Variants in FAM167A observed in about 807,000 individuals in gnomAD.
The protein encoded by FAM167A is protein FAM167A.
FAM167A carries 23 observed loss-of-function variants against 14.9 expected under a neutral mutation model. The observed-to-expected ratio is 1.55, with a 90% CI of 1.11 to 2.19. The LOEUF is 2.19. Among genes scored for constraint, FAM167A ranks in the 30% most tolerant of loss-of-function variants. The pLI is 0.00. For synonymous variants in FAM167A, 174 were observed against 117.7 expected (o/e 1.48, Z -3.10); for missense variants, 401 against 281.5 (o/e 1.42, Z -3.04).
chr8:11,475,757 A>G (rs1206566833), intron 1 of FAM167A, among the ~76,000 whole-genome samples: 3 of 152,134 alleles, frequency 2.0e-5, no homozygotes, highest in African/African-American at 7.2e-5. Context: ...CCCTAAATGT[A>G]TTGATTCTAG....
intron 1 of FAM167A, among the ~76,000 whole-genome samples, chr8:11,450,811 A>T (rs1806993532): frequency 6.6e-6 from 1 of 152,132 alleles, no homozygotes; most frequent in South Asian, 2.1e-4. Context: ...GCTTCCTGGG[A>T]TGGTGCCTCC....
intron 2 of FAM167A, among the ~76,000 whole-genome samples, chr8:11,426,300 T>A (rs1805140961): frequency 1.3e-5 from 2 of 152,222 alleles, no homozygotes; most frequent in African/African-American, 4.8e-5. Context: ...TTGTAACTCC[T>A]GTCTCTCTGA....
At position 11,444,765 on chromosome 8, in the gene FAM167A, G is replaced by A. The variant is rs1028087577; in HGVS notation, c.-354C>T. On this transcript the variant is annotated 5_prime_UTR_variant, in exon 2 of 3. Coordinates refer to ENST00000284486, the MANE Select transcript of FAM167A (RefSeq NM_053279.3). Reference sequence around the variant, plus strand: ...CGAAGACCAGACTGGCAGGAAGAAGGCCCAGAGCTCTCTCTTCTCGGGAAG... The same window carrying A: ...CGAAGACCAGACTGGCAGGAAGAAGACCCAGAGCTCTCTCTTCTCGGGAAG... The A allele has an allele frequency of 7.8e-6, 8 of 1,029,144 alleles. No homozygotes were observed. The highest frequency in any genetic ancestry group is 1.7e-5 in the African/African-American group (1 of 58,790). The allele number at this position is 1,029,144 out of a possible 1,614,324, so 63.8% of individuals were successfully genotyped here. A position where few individuals can be genotyped will look rare whatever the true frequency, so the allele number is the denominator to read the frequency against.
At chr8:11,428,899 A>G (rs1356886457) in intron 2 of FAM167A, among the ~76,000 whole-genome samples, 1 of 152,190 alleles carries the variant, frequency 6.6e-6, no homozygotes, top group African/African-American at 2.4e-5. Context: ...ACTCTGAAGA[A>G]ATCTGAGCAA....
chr8:11,467,243 A>G (rs1379935382), upstream of FAM167A, among the ~76,000 whole-genome samples: 2 of 152,228 alleles, frequency 1.3e-5, no homozygotes, highest in African/African-American at 4.8e-5. Flanking sequence ...CAGATGAGGA[A>G]ACTGAGGTGC....
At chr8:11,468,796 G>T (rs757746062), upstream of FAM167A, among the ~76,000 whole-genome samples, 2 of 152,228 alleles carry the variant, frequency 1.3e-5, no homozygotes, top group African/African-American at 4.8e-5. Context: ...GCTTTCTCAT[G>T]GGGGAATTGT....
At chr8:11,465,788 G>A (rs1250884066) in intron 1 of FAM167A, among the ~76,000 whole-genome samples, 1 of 152,134 alleles carries the variant, frequency 6.6e-6, no homozygotes, top group Non-Finnish European at 1.5e-5. Flanking sequence ...TCATCTTCTG[G>A]GATTCTCCAG....
At chr8:11,449,690 G>A (rs1288800234) in intron 1 of FAM167A, among the ~76,000 whole-genome samples, 1 of 152,232 alleles carries the variant, frequency 6.6e-6, no homozygotes, top group Non-Finnish European at 1.5e-5. Flanking sequence ...AGCCCTTGGG[G>A]GGGCGCGTCA....
At chr8:11,453,908 G>A (rs1807127548) in intron 1 of FAM167A, among the ~76,000 whole-genome samples, 1 of 152,192 alleles carries the variant, frequency 6.6e-6, no homozygotes, top group South Asian at 2.1e-4. Context: ...CCAGCCTAAG[G>A]CCCGGGGCTC....
chr8:11,428,854 C>G (rs1805367344), intron 2 of FAM167A, among the ~76,000 whole-genome samples: 1 of 152,166 alleles, frequency 6.6e-6, no homozygotes, highest in Admixed American at 6.5e-5. Flanking sequence ...GGTCACTCTG[C>G]TGTAATTGAA....
At chr8:11,428,562 C>G (rs2116999720) in intron 2 of FAM167A, among the ~76,000 whole-genome samples, 1 of 152,384 alleles carries the variant, frequency 6.6e-6, no homozygotes, top group South Asian at 2.1e-4. Flanking sequence ...CTGGGAATTG[C>G]AACTTCCTCA....
chr8:11,426,899 G>A (rs183267113), intron 2 of FAM167A, among the ~76,000 whole-genome samples: 6 of 152,252 alleles, frequency 3.9e-5, no homozygotes, highest in East Asian at 3.9e-4. Flanking sequence ...GTATGCATTC[G>A]TCTCAGGCGA....
intron 2 of FAM167A, chr8:11,435,175 G>A (rs1805922808): frequency 2.2e-6 from 1 of 455,468 alleles, no homozygotes; most frequent in Middle Eastern, 3.3e-4. Context: ...GCCCCCACAG[G>A]GCAGCCACAC....
At chr8:11,466,944 G>A (rs1176649903), upstream of FAM167A, among the ~76,000 whole-genome samples, 1 of 152,212 alleles carries the variant, frequency 6.6e-6, no homozygotes, top group Non-Finnish European at 1.5e-5. Context: ...CCCCGCGAGT[G>A]GAGAGGAACT....
intron 1 of FAM167A, among the ~76,000 whole-genome samples, chr8:11,463,428 C>A (rs1392434539): frequency 2.0e-5 from 3 of 152,200 alleles, no homozygotes; most frequent in Admixed American, 6.5e-5. Flanking sequence ...GGGTGGCCAC[C>A]ACCCTAAGCA....
In FAM167A at chr8:11,430,159, GTCTC is replaced by G. The variant is rs551138821; in HGVS notation, c.382-5527_382-5524del. On this transcript the variant is annotated intron_variant, in intron 2 of 2. Coordinates refer to ENST00000284486, the MANE Select transcript of FAM167A (RefSeq NM_053279.3). ...GTCCCCGCTCCCAGCGTGGCCTGGTGTCTCTCTGAGAACAAAAGCACTTGCTGAA... is the reference window on the plus strand; with the variant it reads ...GTCCCCGCTCCCAGCGTGGCCTGGTGTCTGAGAACAAAAGCACTTGCTGAA... Among the ~76,000 whole-genome samples the G allele has an allele frequency of 6.6e-5, 10 of 152,206 alleles. No individual in the cohort carries two copies. In the South Asian group the frequency reaches 2.1e-3, roughly 32 times the overall value.
chr8:11,472,654 C>A (rs1465773936), intron 1 of FAM167A, among the ~76,000 whole-genome samples: 1 of 152,122 alleles, frequency 6.6e-6, no homozygotes, highest in African/African-American at 2.4e-5. Flanking sequence ...TCTAAGCAGT[C>A]CTCTCACCCA....
chr8:11,461,962 T>G (rs1192323929), intron 1 of FAM167A, among the ~76,000 whole-genome samples: 1 of 152,228 alleles, frequency 6.6e-6, no homozygotes, highest in African/African-American at 2.4e-5. Flanking sequence ...TTCCTGGTGT[T>G]TGGACGCAGT....
intron 1 of FAM167A, among the ~76,000 whole-genome samples, chr8:11,456,830 G>A (rs950396447): frequency 1.3e-5 from 2 of 150,036 alleles, no homozygotes; most frequent in South Asian, 4.2e-4. Flanking sequence ...ACGTGGGTGG[G>A]GCTGGGTTAG....
Sources: allele counts gnomAD v4.1 joint callset (sites outside exome capture counted in the v4.1 genomes callset), GRCh38; gene constraint gnomAD v4.1.1; transcripts MANE v1.5; gene names NCBI Gene and HGNC (gene_info 2026-07-23, HGNC 2026-07-21).